The following GPC5 variants were observed in gnomAD, a reference collection of about 807,000 sequenced individuals.
GPC5 encodes the protein glypican-5.
GPC5 carries 47 observed loss-of-function variants against 53.9 expected under a neutral mutation model. The ratio of observed to expected loss-of-function variants is 0.87; its 90% CI spans 0.69 to 1.11. GPC5 has a LOEUF of 1.11. GPC5 is among the 50% of genes most tolerant of loss of function. GPC5 has a pLI of 0.00. For synonymous variants in GPC5, 286 were observed against 263.3 expected, an observed-to-expected ratio of 1.09 and a Z score of -0.84; for missense variants, 748 against 713.1, an observed-to-expected ratio of 1.05 and a Z score of -0.56.
At chr13:92,375,021 G>A (rs9556172) in intron 7 of GPC5, among the ~76,000 whole-genome samples, 6,013 of 152,108 alleles carry the variant, frequency 0.04, 180 homozygotes, top group East Asian at 0.14. Context: ...ACTTGAGTTC[G>A]TTGCAGTATT....
At chr13:92,294,547 C>T (rs1249395869) in intron 7 of GPC5, among the ~76,000 whole-genome samples, 1 of 152,072 alleles carries the variant, frequency 6.6e-6, no homozygotes, top group Non-Finnish European at 1.5e-5. Flanking sequence ...GTTGTAATAT[C>T]TCCCATTTCA....
chr13:92,166,297 C>A (rs1339975034), intron 7 of GPC5, among the ~76,000 whole-genome samples: 1 of 152,104 alleles, frequency 6.6e-6, no homozygotes, highest in Non-Finnish European at 1.5e-5. Context: ...AGTAACAAGA[C>A]CTCTAATTGC....
chr13:92,225,173 T>A (rs967740329), intron 7 of GPC5, among the ~76,000 whole-genome samples: 4 of 152,230 alleles, frequency 2.6e-5, no homozygotes, highest in Admixed American at 6.5e-5. Flanking sequence ...TGTTCCTGGC[T>A]GGAAATGGCT....
intron 6 of GPC5, among the ~76,000 whole-genome samples, chr13:91,962,507 T>C (rs767803322): frequency 1.1e-4 from 17 of 152,164 alleles, no homozygotes; most frequent in Non-Finnish European, 1.0e-4. Context: ...TTTTGGCATT[T>C]ATCTAATAGA....
intron 2 of GPC5, among the ~76,000 whole-genome samples, chr13:91,519,789 T>G (rs1885706201): frequency 6.6e-6 from 1 of 152,188 alleles, no homozygotes; most frequent in Non-Finnish European, 1.5e-5. Flanking sequence ...ACTGTTTACT[T>G]TTAGCCAAAG....
chr13:92,324,743 CTTA>C (rs1327514805), intron 7 of GPC5, among the ~76,000 whole-genome samples: 1 of 151,626 alleles, frequency 6.6e-6, no homozygotes, highest in Non-Finnish European at 1.5e-5. Context: ...TATCATTCTA[CTTA>C]TTATTATGTT....
intron 2 of GPC5, among the ~76,000 whole-genome samples, chr13:91,633,479 T>C (rs1412868002): frequency 2.6e-5 from 4 of 152,152 alleles, no homozygotes; most frequent in Non-Finnish European, 5.9e-5. Context: ...AACAGTCTTG[T>C]ATGTTCTATT....
At chr13:91,585,132 A>G (rs901079820) in intron 2 of GPC5, among the ~76,000 whole-genome samples, 2 of 152,206 alleles carry the variant, frequency 1.3e-5, no homozygotes, top group African/African-American at 4.8e-5. Context: ...AATGCAAATT[A>G]ATGGCTCAAA....
chr13:91,561,990 A>G (rs373491480), intron 2 of GPC5, among the ~76,000 whole-genome samples: 14 of 152,246 alleles, frequency 9.2e-5, no homozygotes, highest in East Asian at 3.9e-4. Context: ...TGTCTTGCAC[A>G]TAATAATTCA....
intron 2 of GPC5, among the ~76,000 whole-genome samples, chr13:91,661,251 A>T (rs1422963381): frequency 6.6e-6 from 1 of 152,342 alleles, no homozygotes; most frequent in South Asian, 2.1e-4. Context: ...CATGTGGACA[A>T]CTTTGCTGGC....
At chr13:92,860,293 T>C (rs997597909) in intron 7 of GPC5, among the ~76,000 whole-genome samples, 2 of 152,166 alleles carry the variant, frequency 1.3e-5, no homozygotes, top group Non-Finnish European at 2.9e-5. Context: ...TGAAGACAGT[T>C]GCATTGCCCT....
intron 7 of GPC5, among the ~76,000 whole-genome samples, chr13:92,466,371 G>C (rs759288744): frequency 6.6e-6 from 1 of 151,922 alleles, no homozygotes; most frequent in Non-Finnish European, 1.5e-5. Flanking sequence ...GTCCCTCCTA[G>C]TTAGGTATAT....
intron 3 of GPC5, among the ~76,000 whole-genome samples, chr13:91,713,706 C>A (rs1295055282): frequency 6.6e-6 from 1 of 152,130 alleles, no homozygotes; most frequent in Non-Finnish European, 1.5e-5. Flanking sequence ...CAGAACTGAA[C>A]TCATGGTCTT....
intron 7 of GPC5, among the ~76,000 whole-genome samples, chr13:92,702,085 C>A (rs1488040967): frequency 6.6e-6 from 1 of 152,084 alleles, no homozygotes; most frequent in Non-Finnish European, 1.5e-5. Context: ...GAGTAGCTTG[C>A]AGAATACCAA....
intron 7 of GPC5, among the ~76,000 whole-genome samples, chr13:92,476,816 T>G (rs1397917131): frequency 7.0e-6 from 1 of 143,266 alleles, no homozygotes; most frequent in African/African-American, 2.6e-5. Context: ...ACACCGCATA[T>G]TCTCACTCAT....
chr13:92,496,231 A>G (rs1238312526), intron 7 of GPC5, among the ~76,000 whole-genome samples: 1 of 152,210 alleles, frequency 6.6e-6, no homozygotes, highest in Non-Finnish European at 1.5e-5. Flanking sequence ...CAGAAATTAT[A>G]TGAGTATTAT....
chr13:92,791,816 CATT>C (rs1183946270), intron 7 of GPC5, among the ~76,000 whole-genome samples: 3 of 152,050 alleles, frequency 2.0e-5, no homozygotes, highest in Admixed American at 6.6e-5. Flanking sequence ...GCATTTACTA[CATT>C]ATTATTTTTT....
At chr13:92,149,226 C>T (rs2041890085) in intron 7 of GPC5, among the ~76,000 whole-genome samples, 1 of 151,986 alleles carries the variant, frequency 6.6e-6, no homozygotes, top group South Asian at 2.1e-4. Flanking sequence ...AACCTTTTAT[C>T]ATGTCTATTG....
intron 7 of GPC5, among the ~76,000 whole-genome samples, chr13:92,442,974 A>C (rs1403677187): frequency 6.6e-6 from 1 of 152,186 alleles, no homozygotes; most frequent in Non-Finnish European, 1.5e-5. Context: ...ACTGTTTTGC[A>C]TTGCAATAAT....
Sources: allele counts gnomAD v4.1 joint callset (sites outside exome capture counted in the v4.1 genomes callset), GRCh38; gene constraint gnomAD v4.1.1; transcripts MANE v1.5; gene names NCBI Gene and HGNC (gene_info 2026-07-23, HGNC 2026-07-21).